RYR2: variants seen among roughly 807,000 people sequenced by gnomAD.
RYR2 encodes the protein cardiac muscle ryanodine receptor-calcium release channel.
Under a neutral mutation model 601.1 loss-of-function variants are expected in RYR2, and 227 were observed. The ratio of observed to expected loss-of-function variants is 0.38; its 90% CI spans 0.34 to 0.42. The LOEUF is 0.42. RYR2 is among the 10% of genes least tolerant of loss of function. RYR2 has a pLI of 1.00. For missense variants in RYR2, 4,646 were observed against 6,156.5 expected, an observed-to-expected ratio of 0.75 and a Z score of 8.21; for synonymous variants, 2,223 against 2,175.1, an observed-to-expected ratio of 1.02 and a Z score of -0.61.
At chr1:237,726,865 G>A (rs909678729) in intron 75 of RYR2, among the ~76,000 whole-genome samples, 1 of 152,024 alleles carries the variant, frequency 6.6e-6, no homozygotes, top group Admixed American at 6.6e-5. Flanking sequence ...GAATTATATA[G>A]CATTTGCAAC....
At chr1:237,087,741 G>C (rs1666510832) in intron 1 of RYR2, among the ~76,000 whole-genome samples, 1 of 152,142 alleles carries the variant, frequency 6.6e-6, no homozygotes. Flanking sequence ...GCCAGCCTGG[G>C]TTTCTCCTCC....
intron 101 of RYR2, among the ~76,000 whole-genome samples, chr1:237,820,702 A>C (rs985877152): frequency 1.3e-5 from 2 of 152,128 alleles, no homozygotes; most frequent in African/African-American, 4.8e-5. Context: ...AAGGGGGCTG[A>C]AACCAGGGAG....
chr1:237,103,851 G>A (rs1423182468), intron 1 of RYR2, among the ~76,000 whole-genome samples: 4 of 152,156 alleles, frequency 2.6e-5, no homozygotes, highest in Non-Finnish European at 5.9e-5. Context: ...TTACAGGCGT[G>A]AGCCACCGCG....
intron 25 of RYR2, 94 bp downstream of exon 25, chr1:237,530,604 CTGAAG>C: frequency 9.9e-7 from 1 of 1,014,450 alleles, no homozygotes. Flanking sequence ...CTTGCTTTTA[CTGAAG>C]CTTTAAAATT....
At chr1:237,123,146 G>T (rs1670998537) in intron 1 of RYR2, among the ~76,000 whole-genome samples, 1 of 152,138 alleles carries the variant, frequency 6.6e-6, no homozygotes, top group South Asian at 2.1e-4. Context: ...CCCATAGTGA[G>T]AACCACATTT....
chr1:237,741,958 T>TA (rs1036442721), intron 79 of RYR2, among the ~76,000 whole-genome samples: 3 of 151,950 alleles, frequency 2.0e-5, no homozygotes, highest in East Asian at 1.9e-4. Flanking sequence ...AATGGCAGCA[T>TA]AAAAAAAAGA....
intron 1 of RYR2, among the ~76,000 whole-genome samples, chr1:237,107,460 C>G (rs1558245583): frequency 2.4e-5 from 3 of 124,588 alleles, no homozygotes; most frequent in Admixed American, 2.2e-4. Flanking sequence ...GTGGAGTTTG[C>G]AGTGAGCCGA....
chr1:237,289,985 T>C (rs1692030581), intron 2 of RYR2, among the ~76,000 whole-genome samples: 1 of 152,234 alleles, frequency 6.6e-6, no homozygotes, highest in Non-Finnish European at 1.5e-5. Flanking sequence ...TGTCAGTTCC[T>C]TATAAAATTC....
At chr1:237,221,546 T>C (rs28396811) in intron 1 of RYR2, among the ~76,000 whole-genome samples, 1,706 of 152,262 alleles carry the variant, frequency 0.011, 43 homozygotes, top group African/African-American at 0.039. Flanking sequence ...CACGGGGAAA[T>C]TTCAGGACAT....
chr1:237,768,609 C>T (rs1694029480), intron 84 of RYR2, among the ~76,000 whole-genome samples: 1 of 152,096 alleles, frequency 6.6e-6, no homozygotes, highest in African/African-American at 2.4e-5. Context: ...TACTCCATTC[C>T]GTTATTTGTT....
chr1:237,388,975 C>T (rs1421090934), intron 10 of RYR2, among the ~76,000 whole-genome samples: 1 of 151,950 alleles, frequency 6.6e-6, no homozygotes, highest in South Asian at 2.1e-4. Flanking sequence ...TACATAGGGA[C>T]CATTTAGAAA....
intron 1 of RYR2, among the ~76,000 whole-genome samples, chr1:237,068,656 G>A (rs1027670984): frequency 2.6e-5 from 4 of 152,078 alleles, no homozygotes; most frequent in Admixed American, 2.6e-4. Context: ...GCAAAAATGG[G>A]TTGGTTATGA....
At chr1:237,135,824 T>C (rs989202586) in intron 1 of RYR2, among the ~76,000 whole-genome samples, 1 of 152,252 alleles carries the variant, frequency 6.6e-6, no homozygotes, top group African/African-American at 2.4e-5. Flanking sequence ...ATCTTTCCTA[T>C]GCTGAATGCA....
At chr1:237,268,935 CAAAAAAAAAAAAAAA>C (rs1160004017) in intron 1 of RYR2, among the ~76,000 whole-genome samples, 1 of 16,226 alleles carries the variant, frequency 6.2e-5, no homozygotes, top group Non-Finnish European at 1.2e-4. Context: ...ACTCTTGTCT[CAAAAAAAAAAAAAAA>C]AAAAAAAAAA....
chr1:237,137,601 T>A (rs1571976435), intron 1 of RYR2, among the ~76,000 whole-genome samples: 1 of 152,180 alleles, frequency 6.6e-6, no homozygotes, highest in African/African-American at 2.4e-5. Context: ...GAAGAATGGG[T>A]TATCTTTGAA....
chr1:237,100,338 A>ATTCTCTC (rs1399250964), intron 1 of RYR2, among the ~76,000 whole-genome samples: 3 of 149,746 alleles, frequency 2.0e-5, no homozygotes, highest in African/African-American at 7.4e-5. Flanking sequence ...TCGCTTCTCG[A>ATTCTCTC]TTCTCTCTTC....
At chr1:237,233,270 G>A (rs1177013412) in intron 1 of RYR2, among the ~76,000 whole-genome samples, 6 of 152,190 alleles carry the variant, frequency 3.9e-5, no homozygotes, top group Non-Finnish European at 8.8e-5. Flanking sequence ...CTAAAAAGGT[G>A]TTTATACTGC....
chr1:237,166,946 G>A lies in RYR2; in HGVS notation c.49-103551G>A, dbSNP rs372872955. ...TAGATTACACGAGATGAAGTTAAAT[G>A]CTTTTGTTTGGGTTTGAATGAAAAT... On this transcript the variant is annotated intron_variant, in intron 1 of 104. Coordinates refer to ENST00000366574, the MANE Select transcript of RYR2 (RefSeq NM_001035.3). Among the ~76,000 whole-genome samples the A allele has an allele frequency of 9.8e-5, 15 of 152,312 alleles. No homozygotes were observed. In the East Asian group the frequency reaches 2.9e-3, roughly 29 times the overall value.
At chr1:237,137,613 G>A (rs1571976452) in intron 1 of RYR2, among the ~76,000 whole-genome samples, 1 of 152,218 alleles carries the variant, frequency 6.6e-6, no homozygotes, top group African/African-American at 2.4e-5. Context: ...ATCTTTGAAA[G>A]CAGTGCTTCT....
Sources: gnomAD v4.1 joint callset for allele counts (sites outside exome capture counted in the v4.1 genomes callset) on GRCh38, gnomAD v4.1.1 for gene constraint, MANE v1.5 for transcripts, NCBI Gene and HGNC (gene_info 2026-07-23, HGNC 2026-07-21) for gene names.